Variants in SYNPR observed in about 807,000 individuals in gnomAD.
The protein encoded by SYNPR is synaptoporin.
In SYNPR, 23 loss-of-function variants were observed where a neutral mutation model predicts 32.9. The ratio of observed to expected loss-of-function variants is 0.70; its 90% confidence interval spans 0.50 to 0.99. The LOEUF (loss-of-function observed/expected upper bound fraction) is 0.99. Among genes scored for constraint, SYNPR ranks in the 50% least tolerant of loss-of-function variants. The pLI is 0.00. For synonymous variants in SYNPR, 146 were observed against 135.9 expected (o/e 1.07, Z -0.52); for missense variants, 318 against 349.3 (o/e 0.91, Z 0.71).
At chr3:63,571,197 G>A (rs935469234) in intron 4 of SYNPR, among the ~76,000 whole-genome samples, 1 of 152,048 alleles carries the variant, frequency 6.6e-6, no homozygotes, top group African/African-American at 2.4e-5. Flanking sequence ...TAAAATGTAT[G>A]GGAAATCTAC....
At chr3:63,442,552 T>C (rs1210679106) in intron 2 of SYNPR, among the ~76,000 whole-genome samples, 33 of 152,242 alleles carry the variant, frequency 2.2e-4, no homozygotes, top group Admixed American at 2.1e-3. Context: ...CAAGGTGCTA[T>C]GATTTCGGCC....
At chr3:63,272,852 T>G (rs1402923370) in intron 3 of SYNPR, among the ~76,000 whole-genome samples, 3 of 152,236 alleles carry the variant, frequency 2.0e-5, no homozygotes, top group East Asian at 3.9e-4. Context: ...ACTCATTGTC[T>G]CAGTGATTGG....
upstream of SYNPR, among the ~76,000 whole-genome samples, chr3:63,227,895 A>G (rs2086140836): frequency 6.6e-6 from 1 of 152,210 alleles, no homozygotes; most frequent in African/African-American, 2.4e-5. Context: ...TGTCACACAC[A>G]AGTGGAATTC....
chr3:63,611,362 G>T (rs561327400), intron 5 of SYNPR, among the ~76,000 whole-genome samples: 14 of 152,298 alleles, frequency 9.2e-5, no homozygotes, highest in Non-Finnish European at 1.9e-4. Context: ...CAAGCCATTT[G>T]ACCGAAACTT....
rs1702309955 is a variant in SYNPR, at chr3:63,541,865, C to G, written c.210-14678C>G. On this transcript the variant is annotated intron_variant, in intron 3 of 5. Coordinates refer to ENST00000478300, the MANE Select transcript of SYNPR (RefSeq NM_001130003.2). Reference sequence around the variant, plus strand: ...TCCTGATATAAAACAACTGTCTTCTCAAGAGGGCACTTGGGATGAAAATAA... The same window carrying G: ...TCCTGATATAAAACAACTGTCTTCTGAAGAGGGCACTTGGGATGAAAATAA... 4.6e-5 allele frequency among the ~76,000 whole-genome samples: 7 copies of G among 152,196 alleles called. No homozygotes were observed. The South Asian group carries it at 1.5e-3, about 32-fold the overall frequency.
At chr3:63,457,454 A>G (rs1320884330) in intron 2 of SYNPR, among the ~76,000 whole-genome samples, 1 of 152,126 alleles carries the variant, frequency 6.6e-6, no homozygotes, top group East Asian at 1.9e-4. Flanking sequence ...AAGCATTAGC[A>G]CTGAGAAGTA....
intron 2 of SYNPR, among the ~76,000 whole-genome samples, chr3:63,319,799 A>G (rs7610624): frequency 0.29 from 43,380 of 151,940 alleles, 7,488 homozygotes; most frequent in Non-Finnish European, 0.39. Context: ...GAAATTGTCT[A>G]AAAGATTATT....
chr3:63,606,417 CTTTTTTT>C (rs61299069), intron 4 of SYNPR, among the ~76,000 whole-genome samples: 22 of 68,300 alleles, frequency 3.2e-4, no homozygotes, highest in African/African-American at 1.1e-3. Flanking sequence ...CAAATCCTTT[CTTTTTTT>C]TTTTTTTTTT....
At chr3:63,536,500 T>C (rs564770668) in intron 3 of SYNPR, among the ~76,000 whole-genome samples, 203 of 152,282 alleles carry the variant, frequency 1.3e-3, no homozygotes, top group Non-Finnish European at 1.9e-3. Flanking sequence ...TTCTCTTACA[T>C]TGCTAGTGGG....
In SYNPR at chr3:63,548,836, A is replaced by T. The variant is rs117462958; in HGVS notation, c.210-7707A>T. 6.9e-3 allele frequency among the ~76,000 whole-genome samples: 1,043 copies of T among 152,184 alleles called. 33 individuals carry two copies. In the East Asian group the frequency reaches 0.085, roughly 12 times the overall value. On this transcript the variant is annotated intron_variant, in intron 3 of 5. Transcript: ENST00000478300. Reference sequence around the variant, plus strand: ...CCTGGGCTGGATCACTGCCCTTGGGACATGTCATTTCTGTCTTGCACTGAA... The same window carrying T: ...CCTGGGCTGGATCACTGCCCTTGGGTCATGTCATTTCTGTCTTGCACTGAA...
At chr3:63,553,360 T>C (rs916031963) in intron 3 of SYNPR, among the ~76,000 whole-genome samples, 2 of 152,220 alleles carry the variant, frequency 1.3e-5, no homozygotes, top group African/African-American at 2.4e-5. Context: ...CCTGAGTTGA[T>C]TCTGTGTCTG....
intron 3 of SYNPR, among the ~76,000 whole-genome samples, chr3:63,545,111 A>T (rs1432015811): frequency 6.6e-6 from 1 of 151,924 alleles, no homozygotes; most frequent in Non-Finnish European, 1.5e-5. Context: ...TGGAAATAAC[A>T]TTTCATTGCT....
rs1288511749 is a variant in SYNPR, at chr3:63,616,030, C to T, written c.*549C>T. 2.0e-5 allele frequency: 3 copies of T among 152,164 alleles called. No individual in the cohort carries two copies. The highest frequency in any genetic ancestry group is 4.4e-5 in the Non-Finnish European group (3 of 68,068). The allele number at this position is 152,164 out of a possible 1,614,324, so 9.4% of individuals were successfully genotyped here. On this transcript the variant is annotated 3_prime_UTR_variant, in exon 6 of 6. Transcript: ENST00000478300. ...AAGTGCATGAATAAGCATTTTCCCACACAATGAACATTTGAACTGTGTTTA... is the reference window on the plus strand; with the variant it reads ...AAGTGCATGAATAAGCATTTTCCCATACAATGAACATTTGAACTGTGTTTA...
chr3:63,545,790 A>G (rs901256060), intron 3 of SYNPR, among the ~76,000 whole-genome samples: 1 of 152,140 alleles, frequency 6.6e-6, no homozygotes, highest in Non-Finnish European at 1.5e-5. Context: ...TTGAATTTTT[A>G]TAAATAGCAC....
intron 2 of SYNPR, among the ~76,000 whole-genome samples, chr3:63,345,574 A>G (rs1427710654): frequency 6.6e-6 from 1 of 152,042 alleles, no homozygotes; most frequent in African/African-American, 2.4e-5. Context: ...CCTTGCAGGG[A>G]AAGAAGCTGG....
chr3:63,289,958 C>T (rs1048163182), intron 2 of SYNPR, among the ~76,000 whole-genome samples: 1 of 151,590 alleles, frequency 6.6e-6, no homozygotes, highest in Non-Finnish European at 1.5e-5. Context: ...GTGAAACCCC[C>T]TCTCTACTAA....
chr3:63,469,022 A>G (rs925658241), intron 2 of SYNPR, among the ~76,000 whole-genome samples: 1 of 152,128 alleles, frequency 6.6e-6, no homozygotes, highest in Non-Finnish European at 1.5e-5. Flanking sequence ...GAATAACCCT[A>G]TGGTATTCTA....
At chr3:63,430,169 A>C (rs1286679983) in intron 2 of SYNPR, among the ~76,000 whole-genome samples, 1 of 152,240 alleles carries the variant, frequency 6.6e-6, no homozygotes, top group East Asian at 1.9e-4. Context: ...TGAGTGAATA[A>C]ATAAAATGCA....
intron 2 of SYNPR, among the ~76,000 whole-genome samples, chr3:63,348,528 A>C (rs1274161730): frequency 6.6e-6 from 1 of 152,046 alleles, no homozygotes; most frequent in East Asian, 1.9e-4. Flanking sequence ...GCAGCTTTTT[A>C]GTTTAATTAA....
Sources: gnomAD v4.1 joint callset for allele counts (sites outside exome capture counted in the v4.1 genomes callset) on GRCh38, gnomAD v4.1.1 for gene constraint, MANE v1.5 for transcripts, NCBI Gene and HGNC (gene_info 2026-07-23, HGNC 2026-07-21) for gene names.